DAB1: variants seen among roughly 807,000 people sequenced by gnomAD.
The protein encoded by DAB1 is DAB adaptor protein 1.
In DAB1, 15 loss-of-function variants were observed where a neutral mutation model predicts 64.6. The observed-to-expected ratio is 0.23, with a 90% CI of 0.16 to 0.36. The LOEUF (loss-of-function observed/expected upper bound fraction) is 0.36, where lower values mean the gene tolerates loss of function less well. Among genes scored for constraint, DAB1 ranks in the 10% least tolerant of loss-of-function variants. DAB1 has a pLI of 1.00. For missense variants in DAB1, 596 were observed against 706.7 expected (o/e 0.84, Z 1.78); for synonymous variants, 235 against 251.9 (o/e 0.93, Z 0.64).
intron 7 of DAB1, among the ~76,000 whole-genome samples, chr1:57,535,825 GC>G (rs1286435109): frequency 6.6e-6 from 1 of 152,152 alleles, no homozygotes; most frequent in Non-Finnish European, 1.5e-5. Flanking sequence ...GTTTTTTCAA[GC>G]TTTTCAGGGT....
At chr1:57,374,787 G>T (rs541355203) in intron 1 of DAB1, among the ~76,000 whole-genome samples, 1 of 152,304 alleles carries the variant, frequency 6.6e-6, no homozygotes, top group African/African-American at 2.4e-5. Flanking sequence ...TAATTGGTCT[G>T]AAAATGGCCT....
intron 6 of DAB1, among the ~76,000 whole-genome samples, chr1:57,799,830 A>G (rs2101870880): frequency 6.6e-6 from 1 of 152,328 alleles, no homozygotes; most frequent in East Asian, 1.9e-4. Context: ...ATTGGAACAC[A>G]GCCATATTCA....
intron 3 of DAB1, among the ~76,000 whole-genome samples, chr1:58,412,481 C>T (rs555534628): frequency 1.6e-4 from 24 of 152,356 alleles, no homozygotes; most frequent in African/African-American, 5.3e-4. Flanking sequence ...CAGTTACCAA[C>T]TCTTCCATGA....
chr1:58,487,593 G>C (rs1387447617), intron 3 of DAB1, among the ~76,000 whole-genome samples: 1 of 152,064 alleles, frequency 6.6e-6, no homozygotes, highest in Non-Finnish European at 1.5e-5. Flanking sequence ...AATCCCATCA[G>C]GGCTAGGCGT....
At chr1:57,803,835 C>A (rs1651241583) in intron 6 of DAB1, among the ~76,000 whole-genome samples, 1 of 152,216 alleles carries the variant, frequency 6.6e-6, no homozygotes, top group African/African-American at 2.4e-5. Flanking sequence ...ATGCCGGAGA[C>A]TTCCTTGCTT....
chr1:57,921,320 T>C (rs1036886614), intron 5 of DAB1, among the ~76,000 whole-genome samples: 3 of 152,176 alleles, frequency 2.0e-5, no homozygotes, highest in South Asian at 4.1e-4. Flanking sequence ...TATTTGCCAC[T>C]TGGGAAGGAA....
intron 5 of DAB1, among the ~76,000 whole-genome samples, chr1:57,941,168 C>G (rs986117112): frequency 3.3e-5 from 5 of 152,202 alleles, no homozygotes; most frequent in Non-Finnish European, 7.3e-5. Context: ...AAATATACTG[C>G]AGGGTTCCCA....
intron 6 of DAB1, among the ~76,000 whole-genome samples, chr1:57,698,094 T>TA (rs1256015800): frequency 6.6e-6 from 1 of 151,946 alleles, no homozygotes; most frequent in African/African-American, 2.4e-5. Context: ...TGTCCACTTT[T>TA]TTTTTTTTTT....
chr1:57,866,964 T>C (rs74401872), intron 1 of DAB1: 94 of 152,272 alleles, frequency 6.2e-4, no homozygotes, highest in Non-Finnish European at 1.2e-3. Context: ...ACTACCTTTT[T>C]CCTCTTGGGC....
chr1:57,082,544 T>C (rs767267533), intron 4 of DAB1, among the ~76,000 whole-genome samples: 4 of 152,182 alleles, frequency 2.6e-5, no homozygotes, highest in Non-Finnish European at 5.9e-5. Flanking sequence ...TTAATTTAAT[T>C]TTAAGTTCCA....
At chr1:57,920,122 T>C (rs1349076698) in intron 5 of DAB1, among the ~76,000 whole-genome samples, 1 of 152,122 alleles carries the variant, frequency 6.6e-6, no homozygotes, top group East Asian at 1.9e-4. Flanking sequence ...GGCAGAGAGG[T>C]GAGCTAGCTT....
chr1:57,883,536 A>G (rs1373697687), intron 1 of DAB1, among the ~76,000 whole-genome samples: 1 of 152,220 alleles, frequency 6.6e-6, no homozygotes, highest in Non-Finnish European at 1.5e-5. Context: ...TAATCTTCAT[A>G]TCTATTGATG....
intron 4 of DAB1, among the ~76,000 whole-genome samples, chr1:58,195,803 A>G (rs1657644693): frequency 6.6e-6 from 1 of 152,238 alleles, no homozygotes. Flanking sequence ...GCCAAGCACT[A>G]AACCATATTA....
intron 2 of DAB1, among the ~76,000 whole-genome samples, chr1:57,265,377 C>T (rs1216748684): frequency 1.3e-5 from 2 of 152,210 alleles, no homozygotes; most frequent in Admixed American, 1.3e-4. Context: ...AGTGCTTTGA[C>T]TACCCAGCCT....
chr1:58,187,590 A>ATT (rs1657150588), intron 4 of DAB1, among the ~76,000 whole-genome samples: 12 of 148,080 alleles, frequency 8.1e-5, no homozygotes, highest in African/African-American at 2.7e-4. Flanking sequence ...TTATTATTAT[A>ATT]ATTTTTGAGA....
intron 7 of DAB1, among the ~76,000 whole-genome samples, chr1:57,544,938 CTTGGACAGT>C (rs1349158702): frequency 1.3e-5 from 2 of 152,218 alleles, no homozygotes; most frequent in Non-Finnish European, 2.9e-5. Flanking sequence ...ATTACCCAGC[CTTGGACAGT>C]TCTCTATAGC....
intron 4 of DAB1, among the ~76,000 whole-genome samples, chr1:58,187,199 C>T (rs1657125483): frequency 6.6e-6 from 1 of 151,742 alleles, no homozygotes; most frequent in Non-Finnish European, 1.5e-5. Context: ...CGGCTCATGC[C>T]TATAATCCCA....
At chr1:57,912,991 T>G (rs1233359543) in intron 5 of DAB1, among the ~76,000 whole-genome samples, 6 of 152,192 alleles carry the variant, frequency 3.9e-5, no homozygotes, top group Non-Finnish European at 8.8e-5. Context: ...GTAGGAAGAA[T>G]CAATATCGTG....
chr1:57,793,419 A>G (rs544988367), intron 6 of DAB1, among the ~76,000 whole-genome samples: 44 of 152,290 alleles, frequency 2.9e-4, no homozygotes, highest in African/African-American at 1.0e-3. Context: ...AACATTTTGC[A>G]TGGAAGTACC....
Sources: allele counts gnomAD v4.1 joint callset (sites outside exome capture counted in the v4.1 genomes callset), GRCh38; gene constraint gnomAD v4.1.1; transcripts MANE v1.5; gene names NCBI Gene and HGNC (gene_info 2026-07-23, HGNC 2026-07-21).